The following COA1 variants were observed in gnomAD, a reference collection of about 807,000 sequenced individuals.
COA1 encodes cytochrome c oxidase assembly factor 1.
Under a neutral mutation model 16.0 loss-of-function variants are expected in COA1, and 13 were observed. The ratio of observed to expected loss-of-function variants is 0.81; its 90% CI spans 0.53 to 1.29. The LOEUF (loss-of-function observed/expected upper bound fraction) is 1.29. Among genes scored for constraint, COA1 ranks in the 50% most tolerant of loss-of-function variants. The probability of loss-of-function intolerance (pLI) is 0.00; values close to 1 mark genes in which losing one functional copy is unlikely to be tolerated. For missense variants in COA1, 179 were observed against 177.0 expected (o/e 1.01, Z -0.06); for synonymous variants, 65 against 65.7 (o/e 0.99, Z 0.05).
chr7:43,648,777 T>C, intron 1 of COA1, 125 bp from the exon 2 acceptor site: 1 of 692,770 alleles, frequency 1.4e-6, no homozygotes, highest in Non-Finnish European at 2.4e-6. Flanking sequence ...AAAATTAAAC[T>C]CTAAAACAAG....
intron 6 of COA1, among the ~76,000 whole-genome samples, chr7:43,620,590 C>T (rs1267501570): frequency 6.6e-6 from 1 of 151,418 alleles, no homozygotes; most frequent in South Asian, 2.1e-4. Context: ...AGGAGAATGG[C>T]GTGAACCTGG....
intron 1 of COA1, among the ~76,000 whole-genome samples, chr7:43,691,064 A>AC (rs1259625446): frequency 7.5e-6 from 1 of 133,618 alleles, no homozygotes; most frequent in South Asian, 2.5e-4. Context: ...CAAAAAAAAA[A>AC]AAAAAAAAAA....
intron 1 of COA1, among the ~76,000 whole-genome samples, chr7:43,679,455 A>G (rs2130292126): frequency 6.6e-6 from 1 of 152,228 alleles, no homozygotes; most frequent in East Asian, 1.9e-4. Context: ...AGATAGAAAT[A>G]AAGCTGAGGG....
intron 2 of COA1, chr7:43,648,333 A>C (rs2090001956): frequency 1.1e-5 from 6 of 563,394 alleles, no homozygotes; most frequent in Non-Finnish European, 1.9e-5. Context: ...ATTTGAAGAG[A>C]GCTCAACAGG....
chr7:43,640,504 G>A (rs2086773881), intron 5 of COA1, 69 bp downstream of exon 5: 14 of 1,038,600 alleles, frequency 1.3e-5, no homozygotes, highest in South Asian at 6.9e-5. Context: ...AAATGAAAAC[G>A]GAGTTGGGGT....
At chr7:43,693,694 C>CA (rs749077220) in intron 1 of COA1, among the ~76,000 whole-genome samples, 1 of 152,180 alleles carries the variant, frequency 6.6e-6, no homozygotes, top group African/African-American at 2.4e-5. Context: ...CGTTAAGACT[C>CA]AAAGTTTCCC....
chr7:43,715,006 T>TTA (rs1222598679), intron 1 of COA1, among the ~76,000 whole-genome samples: 2 of 95,776 alleles, frequency 2.1e-5, no homozygotes, highest in Non-Finnish European at 4.0e-5. Flanking sequence ...GCCTCTTGTC[T>TTA]AAAAAAAAAA....
At chr7:43,645,492 G>A (rs1584313766) in intron 3 of COA1, 93 bp from the exon 4 acceptor site, 2 of 1,149,746 alleles carry the variant, frequency 1.7e-6, no homozygotes, top group East Asian at 4.8e-5. Flanking sequence ...GACGTACAGG[G>A]TAGAAACAGA....
At chr7:43,727,226 G>A (rs929354698) in intron 1 of COA1, among the ~76,000 whole-genome samples, 11 of 152,172 alleles carry the variant, frequency 7.2e-5, no homozygotes, top group Non-Finnish European at 1.2e-4. Context: ...ACAAGTGTTG[G>A]CAAGGAGTGA....
intron 1 of COA1, among the ~76,000 whole-genome samples, chr7:43,693,384 T>A (rs1024693258): frequency 6.6e-6 from 1 of 152,158 alleles, no homozygotes; most frequent in Non-Finnish European, 1.5e-5. Context: ...GCATACTGAT[T>A]TTAATATCTG....
intron 1 of COA1, among the ~76,000 whole-genome samples, chr7:43,691,419 GAAAAAGAAAGAAAGAAAGAAAGA>G (rs1346820856): frequency 8.9e-4 from 73 of 82,270 alleles, no homozygotes; most frequent in African/African-American, 3.4e-3. Flanking sequence ...AAGGAAGAAA[GAAAAAGAAAGAAAGAAAGAAAGA>G]AAGAAAGAAA....
At chr7:43,699,124 G>T (rs548455747) in intron 1 of COA1, among the ~76,000 whole-genome samples, 6 of 152,172 alleles carry the variant, frequency 3.9e-5, no homozygotes, top group Admixed American at 2.6e-4. Context: ...TTACAGGAGT[G>T]GGAGGTAAAG....
chr7:43,676,623 C>A (rs891388581), intron 1 of COA1, among the ~76,000 whole-genome samples: 1 of 152,046 alleles, frequency 6.6e-6, no homozygotes, highest in Admixed American at 6.6e-5. Context: ...TTATAGGTAA[C>A]ATAATATATA....
intron 3 of COA1, chr7:43,645,764 G>C (rs2089109641): frequency 5.4e-6 from 1 of 186,664 alleles, no homozygotes; most frequent in African/African-American, 2.4e-5. Flanking sequence ...GTCCTACTAT[G>C]ATTCCATGAC....
At chr7:43,722,528 G>A (rs1563490976) in intron 1 of COA1, among the ~76,000 whole-genome samples, 1 of 152,126 alleles carries the variant, frequency 6.6e-6, no homozygotes, top group Non-Finnish European at 1.5e-5. Flanking sequence ...TACCAGCTGC[G>A]AGTAGCTAGG....
chr7:43,660,148 A>G (rs563502553), intron 1 of COA1, among the ~76,000 whole-genome samples: 17 of 152,292 alleles, frequency 1.1e-4, no homozygotes, highest in Admixed American at 1.1e-3. Flanking sequence ...GGACCTAGCA[A>G]ATTGATACAC....
intron 1 of COA1, among the ~76,000 whole-genome samples, chr7:43,717,813 C>T (rs997998491): frequency 9.9e-5 from 15 of 152,138 alleles, no homozygotes; most frequent in South Asian, 4.1e-4. Flanking sequence ...ATCATGGGGG[C>T]GGTTTCCCCC....
Position 43,654,098 on chromosome 7 carries a change from T to G in COA1, c.-38-5446A>C, listed in dbSNP as rs556551499. Among the ~76,000 whole-genome samples the G allele has an allele frequency of 3.1e-3, 479 of 152,256 alleles. 4 individuals are homozygous for G. The highest frequency in any genetic ancestry group is 5.1e-3 in the Non-Finnish European group (344 of 68,012). On this transcript the variant is annotated intron_variant, in intron 1 of 5. Transcript: ENST00000223336. ...AACATGTCCATGGACAAATGAACCCTGGCAGAGATGGCCAGAAAGCCTGTG... is the reference window on the plus strand; with the variant it reads ...AACATGTCCATGGACAAATGAACCCGGGCAGAGATGGCCAGAAAGCCTGTG...
In COA1 at chr7:43,639,506, G is replaced by T; in HGVS notation, c.*76C>A. The T allele has an allele frequency of 8.3e-7, 1 of 1,205,088 alleles. No homozygotes were observed. The highest frequency in any genetic ancestry group is 1.2e-6 in the Non-Finnish European group (1 of 814,928). 74.6% of individuals were successfully genotyped at this position (1,205,088 alleles called of 1,614,324 possible). ...GCAGGAGTGTCTGTCACTGAGATGGGCCACCACCCCAGTGGCCATATGGTA... is the reference window on the plus strand; with the variant it reads ...GCAGGAGTGTCTGTCACTGAGATGGTCCACCACCCCAGTGGCCATATGGTA... On this transcript the variant is annotated 3_prime_UTR_variant, in exon 6 of 6. Coordinates refer to ENST00000223336, the MANE Select transcript of COA1 (RefSeq NM_018224.4).
Sources: gnomAD v4.1 joint callset for allele counts (sites outside exome capture counted in the v4.1 genomes callset) on GRCh38, gnomAD v4.1.1 for gene constraint, MANE v1.5 for transcripts, NCBI Gene and HGNC (gene_info 2026-07-23, HGNC 2026-07-21) for gene names.